The following ADGRL3 variants were observed in gnomAD, a reference collection of about 807,000 sequenced individuals.
ADGRL3 encodes the protein adhesion G protein-coupled receptor L3, also known as calcium-independent alpha-latrotoxin receptor 3.
Under a neutral mutation model 153.5 loss-of-function variants are expected in ADGRL3, and 62 were observed. That is an observed-to-expected ratio of 0.40 (90% CI 0.33 to 0.50). The LOEUF is 0.50. Ranked by LOEUF, ADGRL3 falls within the 20% of genes least tolerant of loss-of-function variation. ADGRL3 has a pLI of 0.47. For synonymous variants in ADGRL3, 710 were observed against 672.5 expected, an observed-to-expected ratio of 1.06 and a Z score of -0.86; for missense variants, 1,641 against 1,859.4, an observed-to-expected ratio of 0.88 and a Z score of 2.16.
chr4:61,456,379 ATATATATATAGATATATCTATATC>A (rs1560663875), intron 2 of ADGRL3, among the ~76,000 whole-genome samples: 19 of 114,054 alleles, frequency 1.7e-4, no homozygotes, highest in South Asian at 5.5e-4. Flanking sequence ...ATATATCTAT[ATATATATATAGATATATCTATATC>A]TATATATATA....
At chr4:61,819,506 T>G (rs2097726967) in intron 9 of ADGRL3, among the ~76,000 whole-genome samples, 1 of 152,116 alleles carries the variant, frequency 6.6e-6, no homozygotes, top group Non-Finnish European at 1.5e-5. Flanking sequence ...TGAAGCAATT[T>G]CACCAGTCTA....
In ADGRL3 at chr4:61,790,575, CTCTT is replaced by C. The variant is rs557526860; in HGVS notation, c.1400-23230_1400-23227del. On this transcript the variant is annotated intron_variant, in intron 8 of 26. Transcript: ENST00000683033. ...AGTTATATTAATGTGGTCTCTCTCA[CTCTT>C]TCTCTCTGTTGAGAATGACTGCTTT... is the stretch of plus-strand genomic sequence containing the variant. Among the ~76,000 whole-genome samples the C allele has an allele frequency of 2.8e-4, 43 of 152,304 alleles. No individual in the cohort carries two copies. In the South Asian group the frequency reaches 3.5e-3, roughly 12 times the overall value.
In ADGRL3 at chr4:61,703,154, C is replaced by T. The variant is rs112069480; in HGVS notation, c.583+26219C>T. 2.3e-4 allele frequency among the ~76,000 whole-genome samples: 35 copies of T among 152,078 alleles called. No homozygotes were observed. In the East Asian group the frequency reaches 4.6e-3, roughly 20 times the overall value. ...ATAATGAGAATCCTTAAGTAATTTA[C>T]GTAAATTATCCATGCCTCAGTTTCC... On this transcript the variant is annotated intron_variant, in intron 6 of 26. Transcript: ENST00000683033.
At chr4:61,684,116 T>G (rs552420742) in intron 6 of ADGRL3, among the ~76,000 whole-genome samples, 20 of 152,280 alleles carry the variant, frequency 1.3e-4, no homozygotes, top group Middle Eastern at 3.4e-3. Context: ...GCAGAAATCT[T>G]GGACTTCCCT....
intron 6 of ADGRL3, chr4:61,677,503 T>G (rs887293382): frequency 5.6e-6 from 1 of 178,216 alleles, no homozygotes; most frequent in Non-Finnish European, 1.2e-5. Flanking sequence ...ATATGGTATA[T>G]GCCAACAACA....
chr4:61,744,229 C>G (rs928903717), intron 8 of ADGRL3, among the ~76,000 whole-genome samples: 1 of 152,168 alleles, frequency 6.6e-6, no homozygotes, highest in Non-Finnish European at 1.5e-5. Context: ...CTGGGAGGAG[C>G]CCAACACAGC....
intron 1 of ADGRL3, among the ~76,000 whole-genome samples, chr4:61,255,158 G>T (rs1195765714): frequency 6.6e-6 from 1 of 152,104 alleles, no homozygotes; most frequent in East Asian, 1.9e-4. Flanking sequence ...GACAGTCAGG[G>T]TTGGTTGATA....
chr4:61,461,586 G>T (rs928198419), intron 2 of ADGRL3, among the ~76,000 whole-genome samples: 2 of 151,918 alleles, frequency 1.3e-5, no homozygotes, highest in South Asian at 2.1e-4. Context: ...AAGAAAAATG[G>T]TTATTTCTCA....
In ADGRL3 at chr4:61,204,916, G is replaced by A. The variant is rs114759824; in HGVS notation, c.-240+3151G>A. 5.3e-3 allele frequency among the ~76,000 whole-genome samples: 804 copies of A among 152,230 alleles called. 6 individuals carry two copies. Among genetic ancestry groups the A allele is most frequent in the Non-Finnish European group, 8.6e-3 (585 of 68,000 alleles). On this transcript the variant is annotated intron_variant, in intron 1 of 26. Transcript: ENST00000683033. ...TGCTCCTCAAAAATATGAATGGAAA[G>A]TCTTTCAGAAATGATTTTCTTAATC...
At chr4:61,653,091 C>A (rs1031410092) in intron 5 of ADGRL3, among the ~76,000 whole-genome samples, 4 of 151,066 alleles carry the variant, frequency 2.6e-5, no homozygotes. Flanking sequence ...GGTTCTAATA[C>A]AATAGGATTA....
intron 1 of ADGRL3, among the ~76,000 whole-genome samples, chr4:61,259,455 TAAATA>T (rs892151974): frequency 1.3e-5 from 2 of 151,060 alleles, no homozygotes; most frequent in Admixed American, 6.6e-5. Flanking sequence ...AATAAATAAA[TAAATA>T]AATAAATAAG....
intron 2 of ADGRL3, among the ~76,000 whole-genome samples, chr4:61,441,346 G>GC (rs773390217): frequency 2.6e-4 from 40 of 152,122 alleles, no homozygotes; most frequent in Admixed American, 7.2e-4. Context: ...AATTATAGAG[G>GC]CCACCATTTC....
chr4:61,866,724 T>C (rs907138188), intron 9 of ADGRL3, among the ~76,000 whole-genome samples: 3 of 152,162 alleles, frequency 2.0e-5, no homozygotes, highest in Non-Finnish European at 2.9e-5. Flanking sequence ...AAGACTCTTC[T>C]GGCATTAACT....
intron 6 of ADGRL3, among the ~76,000 whole-genome samples, chr4:61,686,629 C>A (rs893947805): frequency 6.6e-6 from 1 of 152,024 alleles, no homozygotes; most frequent in Non-Finnish European, 1.5e-5. Context: ...AAATTAATTT[C>A]TTTATGGTAA....
At chr4:61,668,049 G>A (rs2094861836) in intron 5 of ADGRL3, among the ~76,000 whole-genome samples, 1 of 152,148 alleles carries the variant, frequency 6.6e-6, no homozygotes, top group Non-Finnish European at 1.5e-5. Flanking sequence ...ACCTGTGAAT[G>A]TTATCTTATA....
At chr4:61,483,723 G>A (rs1239838582) in intron 2 of ADGRL3, among the ~76,000 whole-genome samples, 4 of 151,598 alleles carry the variant, frequency 2.6e-5, no homozygotes, top group Non-Finnish European at 5.9e-5. Context: ...GGCAACAAGA[G>A]CAAAATTCTG....
intron 6 of ADGRL3, among the ~76,000 whole-genome samples, chr4:61,684,340 A>T (rs940092140): frequency 5.7e-4 from 87 of 152,138 alleles, no homozygotes; most frequent in African/African-American, 1.8e-3. Context: ...AGGAGAAAAA[A>T]GGTGAAAGGC....
intron 1 of ADGRL3, among the ~76,000 whole-genome samples, chr4:61,268,943 G>A (rs1487100606): frequency 6.6e-6 from 1 of 151,606 alleles, no homozygotes; most frequent in Non-Finnish European, 1.5e-5. Flanking sequence ...TATACTTAGA[G>A]CTTTAAGAAG....
At chr4:61,785,529 A>G (rs1231426411) in intron 8 of ADGRL3, among the ~76,000 whole-genome samples, 1 of 152,194 alleles carries the variant, frequency 6.6e-6, no homozygotes, top group East Asian at 1.9e-4. Context: ...TCCAATGTTA[A>G]GGCATGGTTG....
Sources: allele counts gnomAD v4.1 joint callset (sites outside exome capture counted in the v4.1 genomes callset), GRCh38; gene constraint gnomAD v4.1.1; transcripts MANE v1.5; gene names NCBI Gene and HGNC (gene_info 2026-07-23, HGNC 2026-07-21).